CNTN5: variants seen among roughly 807,000 people sequenced by gnomAD.
CNTN5 encodes the protein contactin 5, also known as contactin-5.
In CNTN5, 77 loss-of-function variants were observed where a neutral mutation model predicts 129.1. That is an observed-to-expected ratio of 0.60 (90% CI 0.50 to 0.72). The LOEUF is 0.72. Ranked by LOEUF, CNTN5 falls within the 30% of genes least tolerant of loss-of-function variation. CNTN5 has a pLI of 0.00. For synonymous variants in CNTN5, 509 were observed against 465.6 expected, an observed-to-expected ratio of 1.09 and a Z score of -1.20; for missense variants, 1,478 against 1,328.8, an observed-to-expected ratio of 1.11 and a Z score of -1.75.
intron 3 of CNTN5, among the ~76,000 whole-genome samples, chr11:99,644,424 A>AG (rs1951876081): frequency 6.6e-6 from 1 of 152,212 alleles, no homozygotes; most frequent in African/African-American, 2.4e-5. Flanking sequence ...TTAGCTCTAT[A>AG]TCACTTCATA....
chr11:99,055,696 A>T (rs1864599183), intron 1 of CNTN5, among the ~76,000 whole-genome samples: 1 of 151,982 alleles, frequency 6.6e-6, no homozygotes, highest in Non-Finnish European at 1.5e-5. Flanking sequence ...ATTCATAATC[A>T]TTTTATAAAA....
At chr11:99,660,497 C>G (rs1357608453) in intron 3 of CNTN5, among the ~76,000 whole-genome samples, 1 of 151,998 alleles carries the variant, frequency 6.6e-6, no homozygotes, top group Non-Finnish European at 1.5e-5. Context: ...GCCATTTACA[C>G]CTCAATAAAC....
At chr11:100,265,845 C>A (rs374455354) in intron 17 of CNTN5, among the ~76,000 whole-genome samples, 1 of 152,256 alleles carries the variant, frequency 6.6e-6, no homozygotes, top group South Asian at 2.1e-4. Context: ...TCCACTCAAG[C>A]AAATGGCTTT....
intron 2 of CNTN5, among the ~76,000 whole-genome samples, chr11:99,327,280 T>A (rs1239316567): frequency 6.6e-6 from 1 of 152,212 alleles, no homozygotes; most frequent in African/African-American, 2.4e-5. Flanking sequence ...TTTGAATTTA[T>A]GCTAGACACA....
At chr11:99,905,390 A>G (rs1949472208) in intron 6 of CNTN5, among the ~76,000 whole-genome samples, 1 of 152,222 alleles carries the variant, frequency 6.6e-6, no homozygotes, top group Non-Finnish European at 1.5e-5. Context: ...CGTTTATTAA[A>G]TAGAAAATTC....
intron 1 of CNTN5, among the ~76,000 whole-genome samples, chr11:99,088,144 A>G (rs897126163): frequency 8.5e-5 from 13 of 152,282 alleles, no homozygotes; most frequent in African/African-American, 3.1e-4. Context: ...ACCTTCCACA[A>G]GAAAACCCTC....
chr11:100,105,947 C>T (rs1355037868), intron 13 of CNTN5, among the ~76,000 whole-genome samples: 2 of 152,154 alleles, frequency 1.3e-5, no homozygotes, highest in Admixed American at 6.5e-5. Context: ...TACAGTGGAA[C>T]TCTGATGCTT....
At chr11:99,195,448 A>G (rs77208788) in intron 1 of CNTN5, among the ~76,000 whole-genome samples, 2,027 of 151,900 alleles carry the variant, frequency 0.013, 33 homozygotes, top group African/African-American at 0.045. Flanking sequence ...TAATATCAGC[A>G]ATCCTAATCA....
intron 1 of CNTN5, among the ~76,000 whole-genome samples, chr11:99,165,596 G>A (rs1860830397): frequency 6.6e-6 from 1 of 152,140 alleles, no homozygotes; most frequent in Non-Finnish European, 1.5e-5. Flanking sequence ...AACTCAAAGG[G>A]TACATTAATT....
intron 2 of CNTN5, among the ~76,000 whole-genome samples, chr11:99,325,944 A>G (rs1312488288): frequency 6.6e-6 from 1 of 152,204 alleles, no homozygotes; most frequent in African/African-American, 2.4e-5. Context: ...GCAGGAAGTC[A>G]TGGGTGGAGA....
chr11:99,784,307 AC>A (rs1449056018), intron 3 of CNTN5, among the ~76,000 whole-genome samples: 1 of 150,526 alleles, frequency 6.6e-6, no homozygotes, highest in Non-Finnish European at 1.5e-5. Context: ...TTAGCCCCCC[AC>A]CCCCACATAG....
chr11:100,140,187 G>T (rs1946650438), intron 13 of CNTN5, among the ~76,000 whole-genome samples: 1 of 152,202 alleles, frequency 6.6e-6, no homozygotes, highest in African/African-American at 2.4e-5. Flanking sequence ...TGATCTCCAG[G>T]CAGTATTAGG....
At chr11:100,075,091 A>G (rs1256083246) in intron 13 of CNTN5, among the ~76,000 whole-genome samples, 1 of 152,108 alleles carries the variant, frequency 6.6e-6, no homozygotes, top group Non-Finnish European at 1.5e-5. Context: ...GACTTGTTTT[A>G]TGTTTGTCCC....
At chr11:99,323,953 A>G (rs282489) in intron 1 of CNTN5, among the ~76,000 whole-genome samples, 12,938 of 152,228 alleles carry the variant, frequency 0.085, 666 homozygotes, top group African/African-American at 0.14. Context: ...GGAAGCAAGG[A>G]AGACAAAAAG....
rs569137888 is a variant in CNTN5, at chr11:100,256,165, C to T, written c.2164+247C>T. ...ATTTGTTTGTTGAAATAACCTTAAA[C>T]TCACATATAAGTTGCAAAAATAGTA... On this transcript the variant is annotated intron_variant, in intron 17 of 24. Coordinates refer to ENST00000524871, the MANE Select transcript of CNTN5 (RefSeq NM_014361.4). 1.5e-3 allele frequency among the ~76,000 whole-genome samples: 233 copies of T among 152,274 alleles called. 1 individual carries two copies. The highest frequency in any genetic ancestry group is 5.3e-3 in the African/African-American group (220 of 41,546).
chr11:99,252,140 T>G (rs1181032995), intron 1 of CNTN5, among the ~76,000 whole-genome samples: 3 of 152,146 alleles, frequency 2.0e-5, no homozygotes, highest in African/African-American at 7.2e-5. Flanking sequence ...TACCTTGCAC[T>G]TATTCTTCCA....
At chr11:99,384,733 CT>C (rs1177761195) in intron 2 of CNTN5, among the ~76,000 whole-genome samples, 10 of 152,118 alleles carry the variant, frequency 6.6e-5, no homozygotes, top group African/African-American at 2.2e-4. Context: ...AGTCCTTCCC[CT>C]TTACTATATG....
intron 3 of CNTN5, among the ~76,000 whole-genome samples, chr11:99,587,255 T>TGTTC (rs1565324938): frequency 2.6e-5 from 4 of 152,188 alleles, no homozygotes; most frequent in African/African-American, 7.2e-5. Flanking sequence ...CAGGATCTCC[T>TGTTC]CATAGAATAG....
At chr11:99,458,625 C>T (rs937244346) in intron 2 of CNTN5, among the ~76,000 whole-genome samples, 7 of 152,014 alleles carry the variant, frequency 4.6e-5, no homozygotes, top group Middle Eastern at 3.4e-3. Context: ...TAAAGCTATT[C>T]GTGCCAATAC....
Sources: allele counts gnomAD v4.1 joint callset (sites outside exome capture counted in the v4.1 genomes callset), GRCh38; gene constraint gnomAD v4.1.1; transcripts MANE v1.5; gene names NCBI Gene and HGNC (gene_info 2026-07-23, HGNC 2026-07-21).